LRBA: variants seen among roughly 807,000 people sequenced by gnomAD.
The protein encoded by LRBA is lipopolysaccharide-responsive and beige-like anchor protein.
Under a neutral mutation model 330.0 loss-of-function variants are expected in LRBA, and 176 were observed. The ratio of observed to expected loss-of-function variants is 0.53; its 90% CI spans 0.47 to 0.60. LRBA has a LOEUF of 0.60. Ranked by LOEUF, LRBA falls within the 20% of genes least tolerant of loss-of-function variation. LRBA has a pLI of 0.00. For missense variants in LRBA, 3,259 were observed against 3,444.8 expected (o/e 0.95, Z 1.35); for synonymous variants, 1,230 against 1,193.0 (o/e 1.03, Z -0.64).
At chr4:150,373,166 T>TGAGAGAGA (rs1292822061) in intron 47 of LRBA, among the ~76,000 whole-genome samples, 7 of 122,246 alleles carry the variant, frequency 5.7e-5, no homozygotes, top group African/African-American at 2.0e-4. Flanking sequence ...TGTGTGTGTG[T>TGAGAGAGA]GTGTGTGAGA....
intron 2 of LRBA, among the ~76,000 whole-genome samples, chr4:150,953,040 G>C (rs1320473864): frequency 1.3e-5 from 2 of 152,114 alleles, no homozygotes; most frequent in Non-Finnish European, 2.9e-5. Context: ...CACACTGCTA[G>C]AGTGTTAATG....
chr4:150,872,954 T>C (rs1170832009), intron 17 of LRBA, among the ~76,000 whole-genome samples, 199 bp from the exon 18 acceptor site: 1 of 152,084 alleles, frequency 6.6e-6, no homozygotes, highest in Non-Finnish European at 1.5e-5. Context: ...TGAGAAGAAA[T>C]TGGAATATAA....
chr4:150,916,552 C>T (rs780826909), intron 6 of LRBA, 25 bp from the exon 7 acceptor site: 1 of 1,609,258 alleles, frequency 6.2e-7, no homozygotes, highest in East Asian at 2.2e-5. Context: ...TTTCATTTTA[C>T]CTCTAAATAT....
chr4:150,571,289 C>T (rs1351170065), intron 40 of LRBA, among the ~76,000 whole-genome samples: 1 of 151,838 alleles, frequency 6.6e-6, no homozygotes, highest in Non-Finnish European at 1.5e-5. Flanking sequence ...TTGCAAGATT[C>T]TCAGGTAAAT....
intron 37 of LRBA, among the ~76,000 whole-genome samples, chr4:150,628,958 C>T (rs1387094649): frequency 5.9e-5 from 9 of 152,208 alleles, no homozygotes; most frequent in Non-Finnish European, 1.2e-4. Context: ...ACTGTAGTGG[C>T]TTGATGATAG....
intron 40 of LRBA, among the ~76,000 whole-genome samples, chr4:150,519,542 A>G (rs563256315): frequency 1.0e-3 from 152 of 152,256 alleles, no homozygotes; most frequent in African/African-American, 3.6e-3. Context: ...TGTATTGATA[A>G]TTCATTTCTT....
At chr4:150,288,249 G>T (rs926008290) in intron 53 of LRBA, among the ~76,000 whole-genome samples, 1 of 151,792 alleles carries the variant, frequency 6.6e-6, no homozygotes, top group Non-Finnish European at 1.5e-5. Context: ...AAAGTGCTGG[G>T]ATTACAGGCG....
At chr4:150,700,647 C>G (rs1249725857) in intron 36 of LRBA, among the ~76,000 whole-genome samples, 3 of 152,182 alleles carry the variant, frequency 2.0e-5, no homozygotes, top group Middle Eastern at 3.4e-3. Context: ...ACTTCATAAA[C>G]TTAAAATTTT....
Position 150,583,021 on chromosome 4 carries a change from T to A in LRBA, c.6330+5027A>T. On this transcript the variant is annotated intron_variant, in intron 40 of 56. Coordinates refer to ENST00000651943, the MANE Select transcript of LRBA (RefSeq NM_001364905.1). This position sits in a 1 kb window ranked among gnomAD's most constrained non-coding sequence, Gnocchi z 9.8. The stretch of plus-strand genomic sequence containing the variant: ...GACGCCGGTGTATAGCCCGGACCTG[T>A]GCCCCAACATGATCGCCGCTCAGGC... The A allele has an allele frequency of 6.3e-7, 1 of 1,580,752 alleles. No individual in the cohort carries two copies. The highest frequency in any genetic ancestry group is 8.6e-7 in the Non-Finnish European group (1 of 1,162,078).
chr4:150,859,341 C>T (rs991572043), intron 22 of LRBA, among the ~76,000 whole-genome samples: 2 of 151,940 alleles, frequency 1.3e-5, no homozygotes, highest in Non-Finnish European at 2.9e-5. Context: ...AATGTGTTTA[C>T]AAAATTCTCA....
At chr4:150,964,144 G>A (rs530323502) in intron 2 of LRBA, among the ~76,000 whole-genome samples, 7 of 148,140 alleles carry the variant, frequency 4.7e-5, no homozygotes, top group East Asian at 2.0e-4. Context: ...GCCCCCGCCC[G>A]GCCAGCTGCC....
chr4:150,676,674 ACCC>A, intron 37 of LRBA, among the ~76,000 whole-genome samples: 1 of 152,134 alleles, frequency 6.6e-6, no homozygotes, highest in South Asian at 2.1e-4. Context: ...TTCACTCTAG[ACCC>A]ATATAAAACC....
intron 34 of LRBA, among the ~76,000 whole-genome samples, chr4:150,788,265 T>A (rs982212352): frequency 1.8e-5 from 2 of 113,534 alleles, no homozygotes; most frequent in Non-Finnish European, 4.1e-5. Context: ...TTTTTTTTTT[T>A]TTTTGGTATT....
chr4:151,014,779 T>C lies in LRBA; in HGVS notation c.-137A>G, dbSNP rs1745244858. On this transcript the variant is annotated 5_prime_UTR_variant, in exon 2 of 57. Coordinates refer to ENST00000651943, the MANE Select transcript of LRBA (RefSeq NM_001364905.1). Reference sequence around the variant, plus strand: ...TGGAGATACCCCAAAGCAGTTGATGTGGAAAGTCCTTGGCGTCGCCCTCCT... The same window carrying C: ...TGGAGATACCCCAAAGCAGTTGATGCGGAAAGTCCTTGGCGTCGCCCTCCT... 8.2e-6 allele frequency: 5 copies of C among 610,592 alleles called. No individual in the cohort carries two copies. The highest frequency in any genetic ancestry group is 4.4e-4 in the Middle Eastern group (1 of 2,268). The allele number at this position is 610,592 out of a possible 1,614,324, so 37.8% of individuals were successfully genotyped here.
chr4:150,404,392 G>T (rs777542464), intron 47 of LRBA, among the ~76,000 whole-genome samples: 4 of 152,150 alleles, frequency 2.6e-5, no homozygotes, highest in Non-Finnish European at 5.9e-5. Flanking sequence ...TAAGTTTTTA[G>T]ATTATTTTGC....
At chr4:150,419,696 G>A (rs953805670) in intron 46 of LRBA, among the ~76,000 whole-genome samples, 7 of 138,630 alleles carry the variant, frequency 5.0e-5, no homozygotes, top group African/African-American at 1.6e-4. Context: ...GGAGTGCAGT[G>A]GCGCGATCTT....
At chr4:150,294,805 A>T (rs1057199948) in intron 53 of LRBA, among the ~76,000 whole-genome samples, 1 of 152,184 alleles carries the variant, frequency 6.6e-6, no homozygotes, top group African/African-American at 2.4e-5. Context: ...CAAAAAAATT[A>T]TCTGGGCGCG....
intron 34 of LRBA, among the ~76,000 whole-genome samples, chr4:150,797,508 T>TA (rs1467233731): frequency 2.0e-5 from 3 of 151,898 alleles, no homozygotes; most frequent in Non-Finnish European, 4.4e-5. Context: ...AAGTTTTTTT[T>TA]AAAAAAATCA....
intron 35 of LRBA, among the ~76,000 whole-genome samples, chr4:150,756,697 A>T (rs1458239490): frequency 2.0e-5 from 3 of 152,304 alleles, no homozygotes; most frequent in Admixed American, 6.5e-5. Context: ...CCTACACCAC[A>T]TCTAAATTTA....
Sources: gnomAD v4.1 joint callset for allele counts (sites outside exome capture counted in the v4.1 genomes callset) on GRCh38, gnomAD v4.1.1 for gene constraint, Gnocchi (gnomAD v3.1) non-coding constraint, MANE v1.5 for transcripts, NCBI Gene and HGNC (gene_info 2026-07-23, HGNC 2026-07-21) for gene names.